The following SLIT2 variants were observed in gnomAD, a reference collection of about 807,000 sequenced individuals.
SLIT2 encodes the protein slit guidance ligand 2, also known as slit homolog 2 protein.
A neutral mutation model predicts 185.7 loss-of-function variants in SLIT2; 41 were observed. That is an observed-to-expected ratio of 0.22 (90% confidence interval 0.17 to 0.29). SLIT2 has a LOEUF of 0.29. Ranked by LOEUF, SLIT2 falls within the 10% of genes least tolerant of loss-of-function variation. SLIT2 has a pLI of 1.00. For missense variants in SLIT2, 1,571 were observed against 1,909.0 expected, an observed-to-expected ratio of 0.82 and a Z score of 3.30; for synonymous variants, 693 against 680.2, an observed-to-expected ratio of 1.02 and a Z score of -0.29.
intron 15 of SLIT2, among the ~76,000 whole-genome samples, chr4:20,526,958 T>C (rs367985026): frequency 6.6e-6 from 1 of 152,220 alleles, no homozygotes; most frequent in African/African-American, 2.4e-5. Flanking sequence ...CTTATTTCAT[T>C]TTGGAGTGAA....
rs909955998 is a variant in SLIT2, at chr4:20,550,971, C to A, written c.2561+73C>A. 3.7e-6 allele frequency: 3 copies of A among 809,448 alleles called. No homozygotes were observed. The East Asian group carries it at 7.8e-5, about 21-fold the overall frequency. 50.1% of individuals were successfully genotyped at this position (809,448 alleles called of 1,614,324 possible). On this transcript the variant is annotated intron_variant, in intron 25 of 36. Transcript: ENST00000504154. ...ATGAGTGACTTGGAACATTCCTCTGCCAGTTATTTTACTGTAACATCATAA... is the reference window on the plus strand; with the variant it reads ...ATGAGTGACTTGGAACATTCCTCTGACAGTTATTTTACTGTAACATCATAA...
At chr4:20,397,155 G>A (rs1725960657) in intron 4 of SLIT2, among the ~76,000 whole-genome samples, 1 of 151,566 alleles carries the variant, frequency 6.6e-6, no homozygotes, top group African/African-American at 2.4e-5. Context: ...GCTAGTGGGA[G>A]CCCCCAGAGT....
At chr4:20,329,124 G>T (rs1719851296) in intron 4 of SLIT2, among the ~76,000 whole-genome samples, 1 of 151,924 alleles carries the variant, frequency 6.6e-6, no homozygotes, top group East Asian at 1.9e-4. Flanking sequence ...TAAGGCTGGG[G>T]ATAGTTACCT....
intron 9 of SLIT2, among the ~76,000 whole-genome samples, chr4:20,501,981 G>C (rs1718782067): frequency 6.6e-6 from 1 of 151,462 alleles, no homozygotes; most frequent in Admixed American, 6.6e-5. Flanking sequence ...TTTTTTTTTT[G>C]CAACTTATTT....
chr4:20,345,148 C>T (rs1314507967), intron 4 of SLIT2, among the ~76,000 whole-genome samples: 1 of 152,096 alleles, frequency 6.6e-6, no homozygotes, highest in Non-Finnish European at 1.5e-5. Context: ...AGTTTGCATC[C>T]TATGAGGCAG....
At chr4:20,313,811 C>A (rs1229207274) in intron 4 of SLIT2, among the ~76,000 whole-genome samples, 1 of 152,108 alleles carries the variant, frequency 6.6e-6, no homozygotes, top group Non-Finnish European at 1.5e-5. Context: ...GGCTGCTGAT[C>A]TGAACACGAG....
chr4:20,506,480 G>A (rs1394482119), intron 9 of SLIT2, among the ~76,000 whole-genome samples: 4 of 151,918 alleles, frequency 2.6e-5, no homozygotes, highest in African/African-American at 9.7e-5. Context: ...TTACAGGACA[G>A]CAATGCTAGA....
chr4:20,530,247 C>A (rs894789960), intron 16 of SLIT2, among the ~76,000 whole-genome samples: 53 of 152,012 alleles, frequency 3.5e-4, no homozygotes, highest in African/African-American at 1.2e-3. Flanking sequence ...ATACTACAAA[C>A]AAGTGATACC....
At chr4:20,489,044 G>A (rs4443280) in intron 8 of SLIT2, 62 bp downstream of exon 8, 61,628 of 1,378,244 alleles carry the variant, frequency 0.045, 1,587 homozygotes, top group Non-Finnish European at 0.053. Flanking sequence ...AACAGAATGT[G>A]AGGGCTGCAT....
At chr4:20,439,690 A>G (rs1172744013) in intron 4 of SLIT2, among the ~76,000 whole-genome samples, 1 of 152,172 alleles carries the variant, frequency 6.6e-6, no homozygotes, top group East Asian at 1.9e-4. Context: ...GCACAATTCC[A>G]TTTATCATAG....
intron 22 of SLIT2, among the ~76,000 whole-genome samples, chr4:20,547,798 T>A (rs1220805325): frequency 6.6e-6 from 1 of 151,710 alleles, no homozygotes; most frequent in East Asian, 1.9e-4. Context: ...AAATGTAAAT[T>A]ACGACCCATA....
intron 4 of SLIT2, among the ~76,000 whole-genome samples, chr4:20,391,314 T>C (rs1320938293): frequency 6.6e-6 from 1 of 151,986 alleles, no homozygotes; most frequent in African/African-American, 2.4e-5. Context: ...GAAATAACTG[T>C]TTTGAATGAC....
In SLIT2 at chr4:20,398,227, A is replaced by T. The variant is rs145261818; in HGVS notation, c.396-69525A>T. 2.0e-4 allele frequency among the ~76,000 whole-genome samples: 31 copies of T among 151,904 alleles called. No homozygotes were observed. In the East Asian group the frequency reaches 6.0e-3, roughly 29 times the overall value. On this transcript the variant is annotated intron_variant, in intron 4 of 36. Transcript: ENST00000504154. ...GGGCATAGAAAAAACTGAAGGAACA[A>T]CAGAAGATGGAGATGTTTCAAGAAA...
rs1428948214 is a variant in SLIT2, at chr4:20,484,304, A to G, written c.540-1896A>G. On this transcript the variant is annotated intron_variant, in intron 6 of 36. Transcript: ENST00000504154. The surrounding 1 kb of genome is among the most constrained non-coding windows in gnomAD (Gnocchi z 4.3). ...GAAAGCAAATCCCATTGAGAAGTTT[A>G]ACCTTTGCATTCAAACATCAGGATA... Among the ~76,000 whole-genome samples the G allele has an allele frequency of 6.6e-6, 1 of 152,142 alleles. No homozygotes were observed. The highest frequency in any genetic ancestry group is 1.9e-4 in the East Asian group (1 of 5,192).
At chr4:20,534,235 A>G (rs1178260849) in intron 18 of SLIT2, among the ~76,000 whole-genome samples, 1 of 152,202 alleles carries the variant, frequency 6.6e-6, no homozygotes. Flanking sequence ...CTAACAGCTT[A>G]TCTGGAGACT....
At chr4:20,453,426 A>G (rs1229864167) in intron 4 of SLIT2, among the ~76,000 whole-genome samples, 1 of 152,132 alleles carries the variant, frequency 6.6e-6, no homozygotes, top group Non-Finnish European at 1.5e-5. Context: ...CCAAAACGTT[A>G]TTTGTTGGTA....
In SLIT2 at chr4:20,528,999, G is replaced by A; in HGVS notation, c.1513G>A (p.Ala505Thr). ...AAGTGGAGACTGCTTTGCGGATCTG[G>A]CTTGCCCTGAAAAGTGTCGCTGTGA... ...KLSGDCFADL[A>T]CPEKCRCEGT... The change falls in exon 16 of 37, where the codon GCT (alanine) becomes ACT (threonine). Residue 505 changes from alanine (A) to threonine (T), a missense_variant. Around this residue, in one of 3 missense-constraint regions of SLIT2, gnomAD observed 1,202 missense variants for 1,416.4 expected, o/e 0.85. Coordinates refer to ENST00000504154, the MANE Select transcript of SLIT2 (RefSeq NM_004787.4). This position sits in a 1 kb window ranked among gnomAD's most constrained non-coding sequence, Gnocchi z 4.2. 1 of 1,613,794 alleles carries A rather than the reference G, an allele frequency of 6.2e-7. No homozygotes were observed. Among genetic ancestry groups the A allele is most frequent in the Non-Finnish European group, 8.5e-7 (1 of 1,179,840 alleles).
chr4:20,354,814 G>A (rs955999164), intron 4 of SLIT2, among the ~76,000 whole-genome samples: 3 of 150,124 alleles, frequency 2.0e-5, no homozygotes, highest in African/African-American at 4.9e-5. Flanking sequence ...TATGATAACA[G>A]AATTAATACA....
rs569274136 is a variant in SLIT2, at chr4:20,287,647, T to C, written c.395+18766T>C. Reference sequence around the variant, plus strand: ...GGGTTTAATCTGAGCCTATTCACTCTTCAGTTGTGCCTAGAAGCATCTCTC... The same window carrying C: ...GGGTTTAATCTGAGCCTATTCACTCCTCAGTTGTGCCTAGAAGCATCTCTC... On this transcript the variant is annotated intron_variant, in intron 4 of 36. Coordinates refer to ENST00000504154, the MANE Select transcript of SLIT2 (RefSeq NM_004787.4). Among the ~76,000 whole-genome samples, 4 of 152,314 alleles carry C rather than the reference T, an allele frequency of 2.6e-5. No homozygotes were observed. The South Asian group carries it at 8.3e-4, about 32-fold the overall frequency.
Sources: gnomAD v4.1 joint callset for allele counts (sites outside exome capture counted in the v4.1 genomes callset) on GRCh38, gnomAD v4.1.1 for gene constraint, gnomAD v4.1.1 regional missense constraint, Gnocchi (gnomAD v3.1) non-coding constraint, MANE v1.5 for transcripts, NCBI Gene and HGNC (gene_info 2026-07-23, HGNC 2026-07-21) for gene names.